Variants in EEF2 observed in about 807,000 individuals in gnomAD.
EEF2 encodes eukaryotic translation elongation factor 2.
EEF2 carries 21 observed loss-of-function variants against 85.3 expected under a neutral mutation model. The observed-to-expected ratio is 0.25, with a 90% CI of 0.17 to 0.35. The LOEUF (loss-of-function observed/expected upper bound fraction) is 0.35, where lower values mean the gene tolerates loss of function less well. Among genes scored for constraint, EEF2 ranks in the 10% least tolerant of loss-of-function variants. The probability of loss-of-function intolerance (pLI) is 1.00; values close to 1 mark genes in which losing one functional copy is unlikely to be tolerated. For synonymous variants in EEF2, 723 were observed against 508.8 expected (o/e 1.42, Z -5.67); for missense variants, 825 against 1,225.3 (o/e 0.67, Z 4.88).
intron 2 of EEF2, chr19:3,983,874 A>G: frequency 1.9e-6 from 1 of 522,032 alleles, no homozygotes; most frequent in South Asian, 2.2e-5. Context: ...CAGATATTGT[A>G]GGAGTGGGGG....
At chr19:3,982,527 C>CA (rs2039765782) in intron 4 of EEF2, 103 bp from the exon 5 acceptor site, 1 of 1,410,462 alleles carries the variant, frequency 7.1e-7, no homozygotes, top group African/African-American at 1.4e-5. Context: ...AGGCTTTCTT[C>CA]AGTAGACATC....
At chr19:3,982,539 G>C (rs773457721) in intron 4 of EEF2, 115 bp from the exon 5 acceptor site, 2 of 1,353,018 alleles carry the variant, frequency 1.5e-6, no homozygotes, top group Non-Finnish European at 2.1e-6. Context: ...GTAGACATCT[G>C]GTCAAAGTGA....
rs960294613 is a variant in EEF2 at position 3,976,423 on chromosome 19, C to A, written c.*131G>T. 3 of 989,346 alleles carry A rather than the reference C, an allele frequency of 3.0e-6. No homozygotes were observed. The highest frequency in any genetic ancestry group is 3.3e-5 in the South Asian group (2 of 61,086). The allele number at this position is 989,346 out of a possible 1,614,324, so 61.3% of individuals were successfully genotyped here. ...GTTATGGTTGAGTGATGGCACGCAGCGGGCCCCAGAAACCTCTCAGGGGAG... is the reference window on the plus strand; with the variant it reads ...GTTATGGTTGAGTGATGGCACGCAGAGGGCCCCAGAAACCTCTCAGGGGAG... On this transcript the variant is annotated 3_prime_UTR_variant, in exon 15 of 15. Transcript: ENST00000309311.
chr19:3,982,067 C>A lies in EEF2; in HGVS notation c.792-15G>T. The A allele has an allele frequency of 6.2e-7, 1 of 1,613,826 alleles. No individual in the cohort carries two copies. The highest frequency in any genetic ancestry group is 8.5e-7 in the Non-Finnish European group (1 of 1,179,760). ...GGTCAAAGTACCTGGCAAGGAGAGGCCAAGCCAAATCAAGTTAGGGTCTCC... is the reference window on the plus strand; with the variant it reads ...GGTCAAAGTACCTGGCAAGGAGAGGACAAGCCAAATCAAGTTAGGGTCTCC... On this transcript the variant is annotated splice_polypyrimidine_tract_variant and intron_variant, in intron 5 of 14. Coordinates refer to ENST00000309311, the MANE Select transcript of EEF2 (RefSeq NM_001961.4).
intron 14 of EEF2, among the ~76,000 whole-genome samples, chr19:3,976,978 C>A (rs976988727): frequency 6.6e-6 from 1 of 152,202 alleles, no homozygotes. Flanking sequence ...CGGCCCAGGG[C>A]GTAGGCCTTC....
At chr19:3,985,279 C>T (rs1443535772) in intron 1 of EEF2, 99 bp downstream of exon 1, 7 of 1,280,662 alleles carry the variant, frequency 5.5e-6, no homozygotes, top group Non-Finnish European at 7.1e-6. Context: ...GCTACGTCTC[C>T]TCCTGGCACG....
rs569623222 is a variant in EEF2 at position 3,984,595 on chromosome 19, A to G, written c.4-245T>C. On this transcript the variant is annotated intron_variant, in intron 1 of 14. Transcript: ENST00000309311. ...CAGAAATAAAAGTGCTCAGGAATAA[A>G]ACTGAGTGTCAACAGATTTCCTTGA... 6.5e-4 allele frequency among the ~76,000 whole-genome samples: 99 copies of G among 152,308 alleles called. No individual in the cohort carries two copies. In the Middle Eastern group the frequency reaches 0.017, roughly 26 times the overall value.
At chr19:3,979,129 CA>C (rs1007106270) in intron 11 of EEF2, among the ~76,000 whole-genome samples, 199 bp downstream of exon 11, 2 of 151,540 alleles carry the variant, frequency 1.3e-5, no homozygotes, top group Non-Finnish European at 2.9e-5. Flanking sequence ...GAGACTATCT[CA>C]AAAAAAACAA....
rs751710484 is a variant in EEF2 at position 3,977,355 on chromosome 19, A to C, written c.2251-8T>G. 1.4e-5 allele frequency: 23 copies of C among 1,590,576 alleles called. No individual in the cohort carries two copies. Among genetic ancestry groups the C allele is most frequent in the Non-Finnish European group, 2.0e-5 (23 of 1,169,022 alleles). Reference sequence around the variant, plus strand: ...GACCACCTGCTCTGGACACTGCCAGAAGGGAAAGAAAACCTGTCAGTGGCC... The same window carrying C: ...GACCACCTGCTCTGGACACTGCCAGCAGGGAAAGAAAACCTGTCAGTGGCC... On this transcript the variant is annotated splice_region_variant and splice_polypyrimidine_tract_variant and intron_variant, in intron 13 of 14. Coordinates refer to ENST00000309311, the MANE Select transcript of EEF2 (RefSeq NM_001961.4). This position sits in a 1 kb window ranked among gnomAD's most constrained non-coding sequence, Gnocchi z 5.4.
rs1041844368 is a variant in EEF2 at position 3,981,600 on chromosome 19, C to T, written c.898-148G>A. ...CCTGGCCTGCCTACCACGGGCCCAGCCAGCTGAGCGGATCGGGAGCTGGAG... is the reference window on the plus strand; with the variant it reads ...CCTGGCCTGCCTACCACGGGCCCAGTCAGCTGAGCGGATCGGGAGCTGGAG... On this transcript the variant is annotated intron_variant, in intron 6 of 14. Coordinates refer to ENST00000309311, the MANE Select transcript of EEF2 (RefSeq NM_001961.4). The T allele has an allele frequency of 2.6e-5, 20 of 763,498 alleles. No homozygotes were observed. The African/African-American group carries it at 3.5e-4, about 13-fold the overall frequency. The allele number at this position is 763,498 out of a possible 1,614,324, so 47.3% of individuals were successfully genotyped here.
Position 3,977,684 on chromosome 19 carries a change from C to A in EEF2, c.2068-74G>T, listed in dbSNP as rs1469230928. 6.8e-7 allele frequency: 1 copy of A among 1,477,308 alleles called. No homozygotes were observed. The highest frequency in any genetic ancestry group is 2.4e-5 in the Admixed American group (1 of 41,080). The allele number at this position is 1,477,308 out of a possible 1,614,324, so 91.5% of individuals were successfully genotyped here. ...CTTGCCCTCCACCTGCCAAGTCCTG[C>A]AGGTCTCCACCAGGGGGACCTGGGG... On this transcript the variant is annotated intron_variant, in intron 12 of 14. Transcript: ENST00000309311. The surrounding 1 kb of genome is among the most constrained non-coding windows in gnomAD (Gnocchi z 5.4).
intron 1 of EEF2, chr19:3,984,976 T>G: frequency 1.1e-5 from 1 of 92,270 alleles, no homozygotes; most frequent in Non-Finnish European, 1.7e-5. Flanking sequence ...GCTTTGCTCG[T>G]TCTGCCATTC....
At position 3,982,318 on chromosome 19, in the gene EEF2, C is replaced by T. The variant is rs1257689905; in HGVS notation, c.719G>A (p.Gly240Glu). 6 of 1,614,184 alleles carry T rather than the reference C, an allele frequency of 3.7e-6. No individual in the cohort carries two copies. Among genetic ancestry groups the T allele is most frequent in the African/African-American group, 1.3e-5 (1 of 75,064 alleles). The change falls in exon 5 of 15, where the codon GGG becomes GAG. Residue 240 changes from glycine (G) to glutamate (E), a missense_variant. By Grantham distance (98) the Gly-to-Glu change is moderately conservative. Coordinates refer to ENST00000309311, the MANE Select transcript of EEF2 (RefSeq NM_001961.4). ...CTCGGCAGGCCCCAACTGGCCCTCC[C>T]CCTTGGCGGCGAACTTGGCCACATA... is the stretch of plus-strand genomic sequence containing the variant. Reference protein sequence around the residue: ...EMYVAKFAAKGEGQLGPAERA... With the variant: ...EMYVAKFAAKEEGQLGPAERA...
In EEF2 at chr19:3,977,494, G is replaced by A. The variant is rs2039692280; in HGVS notation, c.2184C>T (p.Cys728=). The change falls in exon 13 of 15, where the codon TGC becomes TGT. Residue 728 remains cysteine (C), a synonymous_variant. Transcript: ENST00000309311. This position sits in a 1 kb window ranked among gnomAD's most constrained non-coding sequence, Gnocchi z 5.4. ...GGQIIPTARR[C]LYASVLTAQP... ...GGGCGGTCAGCACACTGGCATAGAGGCAGCGCCGTGCTGTGGGGATGATCT... is the reference window on the plus strand; with the variant it reads ...GGGCGGTCAGCACACTGGCATAGAGACAGCGCCGTGCTGTGGGGATGATCT... 3.1e-6 allele frequency: 5 copies of A among 1,589,066 alleles called. No homozygotes were observed. Among genetic ancestry groups the A allele is most frequent in the African/African-American group, 1.3e-5 (1 of 74,708 alleles).
intron 4 of EEF2, 162 bp downstream of exon 4, chr19:3,982,645 G>C: frequency 9.0e-7 from 1 of 1,106,124 alleles, no homozygotes; most frequent in South Asian, 1.4e-5. Context: ...CAAAGATCAA[G>C]GGCTGGGTCA....
At chr19:3,982,574 G>C in intron 4 of EEF2, 150 bp from the exon 5 acceptor site, 1 of 1,166,424 alleles carries the variant, frequency 8.6e-7, no homozygotes, top group Non-Finnish European at 1.3e-6. Context: ...ATCACGAATA[G>C]GGGGGCCAGC....
rs750808482 is a variant in EEF2, at chr19:3,982,799, G to A, written c.612+8C>T. ...GCAAGCCCACCACCCAGCTAGGGAG[G>A]GCCGTACCATGATGTTGCCCATGGG... On this transcript the variant is annotated splice_region_variant and intron_variant, in intron 4 of 14. Transcript: ENST00000309311. 15 of 1,606,746 alleles carry A rather than the reference G, an allele frequency of 9.3e-6. No homozygotes were observed. The East Asian group carries it at 1.8e-4, about 19-fold the overall frequency.
At position 3,984,156 on chromosome 19, in the gene EEF2, A is replaced by G. The variant is rs536886320; in HGVS notation, c.198T>C (p.Arg66=). Residue 66 remains arginine, a synonymous_variant, in exon 2 of 15, where the codon CGT becomes CGC. Transcript: ENST00000309311. ...FTDTRKDEQE[R]CITIKSTAIS... ...CTCACGTTGACTTGATGGTGATGCA[A>G]CGCTCCTGCTCGTCCTTCCGGGTAT... The G allele has an allele frequency of 2.0e-5, 32 of 1,613,824 alleles. No individual in the cohort carries two copies. In the Admixed American group the frequency reaches 2.8e-4, roughly 14 times the overall value.
Position 3,976,589 on chromosome 19 carries a change from T to C in EEF2, c.2542A>G (p.Ile848Val), listed in dbSNP as rs1269168669. The change falls in exon 15 of 15, where the codon ATC (isoleucine) becomes GTC (valine). Residue 848 changes from isoleucine to valine, a missense_variant. By Grantham distance (29) the Ile-to-Val change is conservative. Transcript: ENST00000309311. ...TRKRKGLKEGIPALDNFLDKL is the reference protein window; with the variant it reads ...TRKRKGLKEGVPALDNFLDKL Reference sequence around the variant, plus strand: ...TCCAGGAAGTTGTCCAGGGCAGGGATGCCTTCTTTCAGGCCCTTGCGCTTG... The same window carrying C: ...TCCAGGAAGTTGTCCAGGGCAGGGACGCCTTCTTTCAGGCCCTTGCGCTTG... The C allele has an allele frequency of 1.2e-6, 2 of 1,610,542 alleles. No homozygotes were observed. Among genetic ancestry groups the C allele is most frequent in the African/African-American group, 2.7e-5 (2 of 74,956 alleles).
Sources: allele counts gnomAD v4.1 joint callset (sites outside exome capture counted in the v4.1 genomes callset), GRCh38; gene constraint gnomAD v4.1.1; non-coding constraint Gnocchi (gnomAD v3.1); transcripts MANE v1.5; gene names NCBI Gene and HGNC (gene_info 2026-07-23, HGNC 2026-07-21).